The following EVPL variants were observed in gnomAD, a reference collection of about 807,000 sequenced individuals.
EVPL encodes 210 kDa cornified envelope precursor protein.
Under a neutral mutation model 129.7 loss-of-function variants are expected in EVPL, and 94 were observed. The ratio of observed to expected loss-of-function variants is 0.72; its 90% confidence interval spans 0.61 to 0.86. EVPL has a LOEUF of 0.86. Among genes scored for constraint, EVPL ranks in the 40% least tolerant of loss-of-function variants. The pLI, the probability that EVPL is intolerant of heterozygous loss-of-function variation, is 0.00. For missense variants in EVPL, 2,625 were observed against 2,721.1 expected, an observed-to-expected ratio of 0.96 and a Z score of 0.79; for synonymous variants, 1,172 against 1,191.1, an observed-to-expected ratio of 0.98 and a Z score of 0.33.
Position 76,019,545 on chromosome 17 carries a change from G to A in EVPL, c.1120C>T (p.Leu374=), listed in dbSNP as rs751803836. 1.9e-6 allele frequency: 3 copies of A among 1,567,854 alleles called. No individual in the cohort carries two copies. The highest frequency in any genetic ancestry group is 2.6e-6 in the Non-Finnish European group (3 of 1,161,722). The part of the protein sequence containing the change: ...PGGPPGAPTE[L]LQQLEAEEKR... ...TGTCTCACCTCCAGCTGTTGCAGCA[G>A]CTCTGTGGGGGCGCCAGGGGGGCCC... Residue 374 remains leucine (L), a synonymous_variant, in exon 10 of 22, where the codon CTG becomes TTG. Coordinates refer to ENST00000301607, the MANE Select transcript of EVPL (RefSeq NM_001988.4).
intron 14 of EVPL, among the ~76,000 whole-genome samples, chr17:76,015,914 C>T (rs775454768): frequency 5.3e-5 from 8 of 152,130 alleles, no homozygotes; most frequent in Non-Finnish European, 1.0e-4. Flanking sequence ...GAGGCCAAGG[C>T]GGGTGGGTTG....
Position 76,018,932 on chromosome 17 carries a change from G to A in EVPL, c.1266C>T (p.Cys422=), listed in dbSNP as rs140647492. The stretch of plus-strand genomic sequence containing the variant: ...TTCGCACTTCTCCTGAGTCCCAGTC[G>A]CAGATGCTGTCCACGTGCAGGGGCT... ...PQQPLHVDSI[C]DWDSGEVQLL... is the part of the protein sequence containing the mutation. The change falls in exon 11 of 22, where the codon TGC becomes TGT. Residue 422 remains cysteine, a synonymous_variant. Coordinates refer to ENST00000301607, the MANE Select transcript of EVPL (RefSeq NM_001988.4). 891 of 1,541,524 alleles carry A rather than the reference G, an allele frequency of 5.8e-4. 5 individuals carry two copies. Among genetic ancestry groups the A allele is most frequent in the Middle Eastern group, 9.0e-4 (4 of 4,464 alleles).
At chr17:76,021,380 G>T in intron 9 of EVPL, 88 bp downstream of exon 9, 1 of 1,258,910 alleles carries the variant, frequency 7.9e-7, no homozygotes. Context: ...GGGAGGTGCA[G>T]TGCCTCTCCT....
intron 7 of EVPL, 31 bp downstream of exon 7, chr17:76,021,836 C>G (rs747427273): frequency 1.3e-6 from 2 of 1,564,582 alleles, no homozygotes; most frequent in Admixed American, 1.8e-5. Context: ...CCCTGGCCGC[C>G]CCCACCTGGC....
At position 76,023,577 on chromosome 17, in the gene EVPL, C is replaced by G. The variant is rs1384372992; in HGVS notation, c.276G>C (p.Val92=). 6.2e-7 allele frequency: 1 copy of G among 1,612,986 alleles called. No homozygotes were observed. Among genetic ancestry groups the G allele is most frequent in the Non-Finnish European group, 8.5e-7 (1 of 1,179,898 alleles). ...ETGRSLKEAE[V]LLKDLFLDVD... ...CGTCCAGGAAGAGGTCCTTGAGCAG[C>G]ACCTCAGCCTCCTTCAGGCTGCGGC... The change falls in exon 3 of 22, where the codon GTG becomes GTC. Residue 92 remains valine, a synonymous_variant. Transcript: ENST00000301607.
At position 76,015,476 on chromosome 17, in the gene EVPL, C is replaced by T. The variant is rs780992252; in HGVS notation, c.1863G>A (p.Gln621=). ...TCTCCCCGTAGAGGCTGCACAGAAC[C>T]TGCACGTCACTGAACTTGTTCTTCA... The part of the protein sequence containing the change: ...NSVKNKFSDV[Q]VLCSLYGEKA... Residue 621 remains glutamine (Q), a synonymous_variant, in exon 15 of 22, where the codon CAG becomes CAA. Transcript: ENST00000301607. 3.1e-6 allele frequency: 5 copies of T among 1,613,206 alleles called. No individual in the cohort carries two copies. The African/African-American group carries it at 6.7e-5, about 22-fold the overall frequency.
chr17:76,016,243 AGTCATCTTCAT>A (rs1319878076), intron 14 of EVPL, among the ~76,000 whole-genome samples: 4 of 152,236 alleles, frequency 2.6e-5, no homozygotes, highest in Non-Finnish European at 5.9e-5. Flanking sequence ...AGTTACCTAC[AGTCATCTTCAT>A]GTCACTGTCC....
intron 14 of EVPL, 140 bp from the exon 15 acceptor site, chr17:76,015,768 A>G: frequency 1.2e-6 from 1 of 838,486 alleles, no homozygotes; most frequent in South Asian, 1.8e-5. Context: ...AACTGCGTTC[A>G]GTCCTGGCGC....
rs760118651 is a variant in EVPL at position 76,015,364 on chromosome 17, C to T, written c.1891G>A (p.Ala631Thr). Residue 631 changes from alanine to threonine, a missense_variant and splice_region_variant, in exon 16 of 22, where the codon GCC (alanine) becomes ACC (threonine). By Grantham distance (58) the Ala-to-Thr change is moderately conservative. Coordinates refer to ENST00000301607, the MANE Select transcript of EVPL (RefSeq NM_001988.4). ...QVLCSLYGEK[A>T]KAALDLERQI... ...CGCTCCAGATCCAGGGCAGCCTTGG[C>T]TCTGCCGCAGAGGAGGCAAGGCTCA... 1 of 1,603,662 alleles carries T rather than the reference C, an allele frequency of 6.2e-7. No individual in the cohort carries two copies. The highest frequency in any genetic ancestry group is 1.1e-5 in the South Asian group (1 of 90,554).
rs367732326 is a variant in EVPL, at chr17:76,007,108, G to A, written c.6097C>T (p.Arg2033Cys). ...CACTGGCTCCTTGGCCCGTGTCAGCGAAGGGAGCGCGGGACGGTGGGGGAG... is the reference window on the plus strand; with the variant it reads ...CACTGGCTCCTTGGCCCGTGTCAGCAAAGGGAGCGCGGGACGGTGGGGGAG... ...SASPTVPRSL[R>C] Residue 2033 changes from arginine to cysteine, a missense_variant, in exon 22 of 22, where the codon CGC becomes TGC. Around this residue, in one of 4 missense-constraint regions of EVPL, gnomAD observed 1,453 missense variants for 1,511.8 expected, o/e 0.96. Transcript: ENST00000301607. This position sits in a 1 kb window ranked among gnomAD's most constrained non-coding sequence, Gnocchi z 8.8. 4.1e-5 allele frequency: 60 copies of A among 1,460,172 alleles called. No individual in the cohort carries two copies. Among genetic ancestry groups the A allele is most frequent in the African/African-American group, 5.6e-5 (4 of 71,176 alleles). 90.5% of individuals were successfully genotyped at this position (1,460,172 alleles called of 1,614,324 possible).
At position 76,014,995 on chromosome 17, in the gene EVPL, G is replaced by T; in HGVS notation, c.2143C>A (p.Gln715Lys). Residue 715 changes from glutamine (Q) to lysine (K), a missense_variant, in exon 17 of 22, where the codon CAA (glutamine) becomes AAA (lysine). This residue lies in a region of EVPL where 1,024 missense variants were observed against 997.5 expected (regional missense o/e 1.03). Transcript: ENST00000301607. ...ALQNNFQEFC[Q>K]DLPRQQRQVR... The stretch of plus-strand genomic sequence containing the variant: ...TGGCGCTGCTGGCGAGGCAGGTCTT[G>T]GCAGAACTCCTGGAAGTTGTTCTGC... The T allele has an allele frequency of 6.3e-7, 1 of 1,597,034 alleles. No individual in the cohort carries two copies. The highest frequency in any genetic ancestry group is 8.5e-7 in the Non-Finnish European group (1 of 1,176,760).
chr17:76,011,537 C>T (rs751296519), intron 21 of EVPL, 39 bp downstream of exon 21: 35 of 1,566,908 alleles, frequency 2.2e-5, no homozygotes, highest in Non-Finnish European at 2.8e-5. Context: ...CTGGTTATTC[C>T]TGGCTATTGT....
At chr17:76,015,672 G>C (rs751804524) in intron 14 of EVPL, 44 bp from the exon 15 acceptor site, 10 of 1,570,240 alleles carry the variant, frequency 6.4e-6, no homozygotes, top group Non-Finnish European at 1.7e-6. Flanking sequence ...GGTGGGTTCC[G>C]CCCGACTCTT....
intron 14 of EVPL, 100 bp from the exon 15 acceptor site, chr17:76,015,728 G>T: frequency 7.9e-7 from 1 of 1,267,058 alleles, no homozygotes; most frequent in Non-Finnish European, 1.1e-6. Flanking sequence ...AGTAGAGTGT[G>T]GTGGGTACAT....
Position 76,009,530 on chromosome 17 carries a change from G to C in EVPL, c.3675C>G (p.Ser1225Arg). ...GCTTCTCCACCTCCTTCTCCACACC[G>C]CTCCTCTTGCCCGCCATCTCCTGCA... ...AKLQEMAGKR[S>R]GVEKEVEKLL... Residue 1225 changes from serine to arginine, a missense_variant, in exon 22 of 22, where the codon AGC becomes AGG. Coordinates refer to ENST00000301607, the MANE Select transcript of EVPL (RefSeq NM_001988.4). The surrounding 1 kb of genome is among the most constrained non-coding windows in gnomAD (Gnocchi z 5.9). 1 of 1,613,952 alleles carries C rather than the reference G, an allele frequency of 6.2e-7. No individual in the cohort carries two copies. Among genetic ancestry groups the C allele is most frequent in the Non-Finnish European group, 8.5e-7 (1 of 1,179,994 alleles).
In EVPL at chr17:76,027,248, G is replaced by A. The variant is rs367789045; in HGVS notation, c.-50C>T. 4.5e-4 allele frequency: 602 copies of A among 1,342,086 alleles called. 3 individuals are homozygous for A. The African/African-American group carries it at 7.4e-3, about 17-fold the overall frequency. The allele number at this position is 1,342,086 out of a possible 1,614,324, so 83.1% of individuals were successfully genotyped here. A position where few individuals can be genotyped will look rare whatever the true frequency, so the allele number is the denominator to read the frequency against. On this transcript the variant is annotated 5_prime_UTR_variant, in exon 1 of 22. Transcript: ENST00000301607. Reference sequence around the variant, plus strand: ...AGGCTGGGCTTGGCTGGCGAAAGACGGCAGGAGGGCAGGTGGGAGGCAGCG... The same window carrying A: ...AGGCTGGGCTTGGCTGGCGAAAGACAGCAGGAGGGCAGGTGGGAGGCAGCG...
Position 76,007,284 on chromosome 17 carries a change from T to C in EVPL, c.5921A>G (p.Asp1974Gly), listed in dbSNP as rs768638432. The change falls in exon 22 of 22, where the codon GAC becomes GGC. Residue 1974 changes from aspartate to glycine, a missense_variant. By Grantham distance (94) the Asp-to-Gly change is moderately conservative. Transcript: ENST00000301607. The surrounding 1 kb of genome is among the most constrained non-coding windows in gnomAD (Gnocchi z 8.8). ...ISEELAQLLQ[D>G]ESSYEKDLTD... is the part of the protein sequence containing the mutation. ...CAAATCCTTCTCGTAGCTGGACTCG[T>C]CCTGCAGGAGCTGGGCCAGCTCTTC... 1.3e-6 allele frequency: 2 copies of C among 1,557,712 alleles called. No individual in the cohort carries two copies.
chr17:76,017,588 G>T, intron 14 of EVPL, 151 bp downstream of exon 14: 1 of 1,099,126 alleles, frequency 9.1e-7, no homozygotes, highest in Non-Finnish European at 1.3e-6. Flanking sequence ...GAGCCAGGAG[G>T]GGAACCAGCT....
chr17:76,022,610 C>T lies in EVPL; in HGVS notation c.481-72G>A. 1 of 1,516,236 alleles carries T rather than the reference C, an allele frequency of 6.6e-7. No individual in the cohort carries two copies. The highest frequency in any genetic ancestry group is 2.4e-5 in the East Asian group (1 of 41,046). 93.9% of individuals were successfully genotyped at this position (1,516,236 alleles called of 1,614,324 possible). A position where few individuals can be genotyped will look rare whatever the true frequency, so the allele number is the denominator to read the frequency against. On this transcript the variant is annotated intron_variant, in intron 4 of 21. Transcript: ENST00000301607. The surrounding 1 kb of genome is among the most constrained non-coding windows in gnomAD (Gnocchi z 5.6). ...GCCAGAGAACCCCACACGCCTCCCA[C>T]CCGGAGAAGTGGACTTGGTCATTTG...
Sources: allele counts gnomAD v4.1 joint callset (sites outside exome capture counted in the v4.1 genomes callset), GRCh38; gene constraint gnomAD v4.1.1; regional missense constraint gnomAD v4.1.1; non-coding constraint Gnocchi (gnomAD v3.1); transcripts MANE v1.5; gene names NCBI Gene and HGNC (gene_info 2026-07-23, HGNC 2026-07-21).